Variants in SH3RF3 observed in about 807,000 individuals in gnomAD.
The protein encoded by SH3RF3 is E3 ubiquitin-protein ligase SH3RF3.
SH3RF3 carries 29 observed loss-of-function variants against 66.3 expected under a neutral mutation model. The ratio of observed to expected loss-of-function variants is 0.44; its 90% confidence interval spans 0.33 to 0.60. The LOEUF is 0.60. Ranked by LOEUF, SH3RF3 falls within the 20% of genes least tolerant of loss-of-function variation. The probability of loss-of-function intolerance (pLI) is 0.04; values close to 1 mark genes in which losing one functional copy is unlikely to be tolerated. For synonymous variants in SH3RF3, 583 were observed against 532.0 expected (o/e 1.10, Z -1.32); for missense variants, 1,194 against 1,190.9 (o/e 1.00, Z -0.04).
At chr2:109,224,599 TG>T (rs1224850199) in intron 1 of SH3RF3, among the ~76,000 whole-genome samples, 1 of 152,242 alleles carries the variant, frequency 6.6e-6, no homozygotes, top group Non-Finnish European at 1.5e-5. Flanking sequence ...GGCTCACACC[TG>T]TAATCCCGGC....
rs538981779 is a variant in SH3RF3 at position 109,188,586 on chromosome 2, C to G, written c.573+58473C>G. On this transcript the variant is annotated intron_variant, in intron 1 of 9. Transcript: ENST00000309415. ...CATCCCTATGGAGGGGCAGGGGTCC[C>G]GTCCCCTCTCCGGCAGCAGTTTGCC... Among the ~76,000 whole-genome samples the G allele has an allele frequency of 6.2e-4, 94 of 152,292 alleles. 1 individual carries two copies. The highest frequency in any genetic ancestry group is 2.2e-3 in the African/African-American group (92 of 41,560).
intron 1 of SH3RF3, among the ~76,000 whole-genome samples, chr2:109,309,565 TAA>T (rs1209632947): frequency 7.8e-6 from 1 of 128,598 alleles, no homozygotes; most frequent in East Asian, 2.1e-4. Flanking sequence ...GCAAATTGGA[TAA>T]AGAGTCAAGA....
intron 4 of SH3RF3, among the ~76,000 whole-genome samples, chr2:109,404,817 C>CA (rs1294590500): frequency 6.6e-6 from 1 of 152,192 alleles, no homozygotes; most frequent in East Asian, 1.9e-4. Flanking sequence ...GACCCAGCCA[C>CA]AGTTACCAAT....
At chr2:109,488,429 A>G (rs1450218806) in intron 8 of SH3RF3, among the ~76,000 whole-genome samples, 1 of 152,058 alleles carries the variant, frequency 6.6e-6, no homozygotes, top group African/African-American at 2.4e-5. Flanking sequence ...TTCCCACCCC[A>G]GGTACTGCAG....
chr2:109,401,776 C>T (rs1223567506), intron 4 of SH3RF3, among the ~76,000 whole-genome samples: 1 of 152,144 alleles, frequency 6.6e-6, no homozygotes, highest in African/African-American at 2.4e-5. Context: ...GTTGCCATGG[C>T]CTCCGTGTTA....
In SH3RF3 at chr2:109,349,504, C is replaced by T. The variant is rs1362504945; in HGVS notation, c.849+1555C>T. Among the ~76,000 whole-genome samples the T allele has an allele frequency of 2.0e-5, 3 of 152,284 alleles. No homozygotes were observed. In the South Asian group the frequency reaches 6.2e-4, roughly 32 times the overall value. ...TTGCTTCTCTGCCCAGTGGACTCTTCCCCCTAAGAGAAGACCTGGGACCAC... is the reference window on the plus strand; with the variant it reads ...TTGCTTCTCTGCCCAGTGGACTCTTTCCCCTAAGAGAAGACCTGGGACCAC... On this transcript the variant is annotated intron_variant, in intron 2 of 9. Transcript: ENST00000309415.
At chr2:109,161,296 G>A (rs913576315) in intron 1 of SH3RF3, among the ~76,000 whole-genome samples, 3 of 152,150 alleles carry the variant, frequency 2.0e-5, no homozygotes, top group Admixed American at 6.5e-5. Context: ...AGAGTTAGGA[G>A]TGTGTAGGAA....
At chr2:109,136,938 C>G (rs1390638388) in intron 1 of SH3RF3, among the ~76,000 whole-genome samples, 1 of 152,132 alleles carries the variant, frequency 6.6e-6, no homozygotes, top group Non-Finnish European at 1.5e-5. Context: ...TACCCTGGTT[C>G]AAGGAATGGG....
intron 1 of SH3RF3, among the ~76,000 whole-genome samples, chr2:109,330,060 G>A (rs978696738): frequency 2.0e-5 from 3 of 152,194 alleles, no homozygotes; most frequent in Non-Finnish European, 4.4e-5. Context: ...TCTAAGTGGA[G>A]TAAATGGTTT....
chr2:109,201,150 C>T (rs1467795063), intron 1 of SH3RF3, among the ~76,000 whole-genome samples: 3 of 152,246 alleles, frequency 2.0e-5, no homozygotes, highest in Non-Finnish European at 2.9e-5. Flanking sequence ...TGGCTTCACA[C>T]GTCTTCCTTC....
chr2:109,243,650 G>A (rs1191698387), intron 1 of SH3RF3, among the ~76,000 whole-genome samples: 2 of 152,168 alleles, frequency 1.3e-5, no homozygotes, highest in Admixed American at 6.5e-5. Flanking sequence ...CTGAAGATAT[G>A]AGTGGTGAGA....
At chr2:109,283,310 G>A (rs1273733141) in intron 1 of SH3RF3, among the ~76,000 whole-genome samples, 3 of 152,202 alleles carry the variant, frequency 2.0e-5, no homozygotes, top group Admixed American at 6.5e-5. Context: ...TTGTGGGCCT[G>A]CTGGACACCT....
At chr2:109,220,204 G>A (rs894466717) in intron 1 of SH3RF3, among the ~76,000 whole-genome samples, 9 of 152,138 alleles carry the variant, frequency 5.9e-5, no homozygotes, top group African/African-American at 2.2e-4. Flanking sequence ...AAATGGTGCT[G>A]GGAAAACTGG....
intron 1 of SH3RF3, among the ~76,000 whole-genome samples, chr2:109,282,734 A>G (rs373220791): frequency 1.3e-5 from 2 of 152,288 alleles, no homozygotes; most frequent in East Asian, 3.9e-4. Flanking sequence ...TTTGTTTCAT[A>G]GTTTAGTCCT....
At chr2:109,311,764 G>A (rs1330825377) in intron 1 of SH3RF3, among the ~76,000 whole-genome samples, 2 of 143,672 alleles carry the variant, frequency 1.4e-5, no homozygotes, top group South Asian at 2.2e-4. Flanking sequence ...AATTTCAAGC[G>A]ATGAGCAAGT....
chr2:109,171,205 C>G (rs1327518852), intron 1 of SH3RF3, among the ~76,000 whole-genome samples: 2 of 152,158 alleles, frequency 1.3e-5, no homozygotes, highest in East Asian at 3.8e-4. Flanking sequence ...AAAGTACATA[C>G]ATCACCAAAT....
chr2:109,198,792 C>T (rs555826929), intron 1 of SH3RF3, among the ~76,000 whole-genome samples: 1 of 152,336 alleles, frequency 6.6e-6, no homozygotes, highest in South Asian at 2.1e-4. Context: ...GGAAGTACAG[C>T]CTTTGACATA....
chr2:109,165,030 T>C (rs1014361305), intron 1 of SH3RF3, among the ~76,000 whole-genome samples: 4 of 152,226 alleles, frequency 2.6e-5, no homozygotes, highest in Non-Finnish European at 5.9e-5. Context: ...GCCAGTTTCC[T>C]TCACGGAATC....
chr2:109,413,703 A>G (rs1676652696), intron 4 of SH3RF3, among the ~76,000 whole-genome samples: 1 of 152,122 alleles, frequency 6.6e-6, no homozygotes, highest in Non-Finnish European at 1.5e-5. Flanking sequence ...CCAGCCCTCC[A>G]CACAGCATAG....
Sources: allele counts gnomAD v4.1 joint callset (sites outside exome capture counted in the v4.1 genomes callset), GRCh38; gene constraint gnomAD v4.1.1; transcripts MANE v1.5; gene names NCBI Gene and HGNC (gene_info 2026-07-23, HGNC 2026-07-21).